STYK1: variants seen among roughly 807,000 people sequenced by gnomAD.
The protein encoded by STYK1 is tyrosine-protein kinase STYK1.
STYK1 carries 46 observed loss-of-function variants against 48.1 expected under a neutral mutation model. The observed-to-expected ratio is 0.96, with a 90% confidence interval of 0.75 to 1.22. The LOEUF is 1.22. Among genes scored for constraint, STYK1 ranks in the 50% most tolerant of loss-of-function variants. The pLI is 0.00. For missense variants in STYK1, 527 were observed against 521.1 expected (o/e 1.01, Z -0.11); for synonymous variants, 188 against 189.0 (o/e 0.99, Z 0.04).
chr12:10,622,069 G>T (rs1591672569), intron 9 of STYK1, 97 bp from the exon 10 acceptor site: 4 of 1,018,622 alleles, frequency 3.9e-6, no homozygotes, highest in Non-Finnish European at 6.0e-6. Context: ...GCTTGCAAAA[G>T]ATATAGCCAT....
At chr12:10,660,544 C>T (rs538933809) in intron 1 of STYK1, among the ~76,000 whole-genome samples, 3 of 60,934 alleles carry the variant, frequency 4.9e-5, no homozygotes, top group East Asian at 1.1e-3. Context: ...CTGAGACCTA[C>T]TGGGCTGCAT....
chr12:10,622,553 C>T, intron 9 of STYK1, 85 bp downstream of exon 9: 4 of 1,518,892 alleles, frequency 2.6e-6, no homozygotes, highest in Non-Finnish European at 3.6e-6. Context: ...GAAACCCTTT[C>T]AGAAAGCATA....
chr12:10,630,309 C>A (rs1947410837), intron 5 of STYK1, among the ~76,000 whole-genome samples: 1 of 140,048 alleles, frequency 7.1e-6, no homozygotes, highest in Admixed American at 8.2e-5. Context: ...TCACTTAAAC[C>A]TGGGAGGCGG....
chr12:10,656,095 G>C (rs1274322317), intron 1 of STYK1, among the ~76,000 whole-genome samples: 1 of 152,092 alleles, frequency 6.6e-6, no homozygotes, highest in Non-Finnish European at 1.5e-5. Flanking sequence ...TCACCATGCT[G>C]TTCTTGTGAT....
chr12:10,627,518 TTCTA>T lies in STYK1; in HGVS notation c.717+119_717+122del, dbSNP rs551220894. 3.4e-3 allele frequency: 2,874 copies of T among 833,312 alleles called. 46 individuals carry two copies. The highest frequency in any genetic ancestry group is 1.6e-3 in the Non-Finnish European group (879 of 549,574). The allele number at this position is 833,312 out of a possible 1,614,324, so 51.6% of individuals were successfully genotyped here. On this transcript the variant is annotated intron_variant, in intron 7 of 10. Transcript: ENST00000075503. ...CATGCTTGAGTTTCTGCCCCCTAAC[TTCTA>T]TCTAATTTTCTTTAAAACATACACA... is the stretch of plus-strand genomic sequence containing the variant.
intron 5 of STYK1, 82 bp from the exon 6 acceptor site, chr12:10,629,756 G>T: frequency 6.5e-7 from 1 of 1,531,758 alleles, no homozygotes; most frequent in Non-Finnish European, 9.0e-7. Context: ...GGCAACTTAA[G>T]ATGTTAATTC....
chr12:10,669,360 T>A (rs567758382), intron 1 of STYK1, among the ~76,000 whole-genome samples: 1 of 152,154 alleles, frequency 6.6e-6, no homozygotes, highest in Non-Finnish European at 1.5e-5. Context: ...AAGCAGGTTG[T>A]TTTTCTTCAG....
intron 1 of STYK1, among the ~76,000 whole-genome samples, chr12:10,649,410 G>A (rs1050980545): frequency 9.2e-5 from 14 of 152,032 alleles, no homozygotes; most frequent in Admixed American, 2.6e-4. Context: ...TTAAATTTAC[G>A]TTCACAAAAA....
chr12:10,623,423 C>T (rs1947321616), intron 8 of STYK1, among the ~76,000 whole-genome samples: 1 of 152,150 alleles, frequency 6.6e-6, no homozygotes, highest in Non-Finnish European at 1.5e-5. Context: ...CATCAATGCA[C>T]TTCTCCAAGC....
chr12:10,621,959 A>T lies in STYK1; in HGVS notation c.981T>A (p.Tyr327Ter). Reference protein sequence around the residue: ...YEMVTLGAPPYPEVPPTSILE... With the variant: ...YEMVTLGAPP ...GGATGCTGGTAGGAGGGACTTCAGG[A>T]TACGGTGGTGCTCCTGTCATTACGA... The change falls in exon 10 of 11, where the codon TAT becomes TAA. Residue 327 changes from tyrosine (Y) to a stop codon, truncating the protein, a stop_gained. Transcript: ENST00000075503. LOFTEE classifies it high-confidence loss of function. 4 of 1,613,816 alleles carry T rather than the reference A, an allele frequency of 2.5e-6. No homozygotes were observed. The highest frequency in any genetic ancestry group is 3.4e-6 in the Non-Finnish European group (4 of 1,179,760).
Position 10,620,323 on chromosome 12 carries a change from G to A in STYK1, c.1090C>T (p.Arg364Cys), listed in dbSNP as rs750905388. ...TMYSIMKSCW[R>C]WREADRPSPR... is the part of the protein sequence containing the mutation. ...GAGGGGCGGTCAGCCTCACGCCAGCGCCAGCAGGACTTCATGATACTGTAC... is the reference window on the plus strand; with the variant it reads ...GAGGGGCGGTCAGCCTCACGCCAGCACCAGCAGGACTTCATGATACTGTAC... Residue 364 changes from arginine (R) to cysteine (C), a missense_variant, in exon 11 of 11, where the codon CGC becomes TGC. Coordinates refer to ENST00000075503, the MANE Select transcript of STYK1 (RefSeq NM_018423.3). 3.7e-6 allele frequency: 6 copies of A among 1,613,214 alleles called. No individual in the cohort carries two copies. Among genetic ancestry groups the A allele is most frequent in the Admixed American group, 1.7e-5 (1 of 59,992 alleles).
chr12:10,652,518 C>T lies in STYK1; in HGVS notation c.-194-15322G>A, dbSNP rs184162944. Among the ~76,000 whole-genome samples, 75 of 152,358 alleles carry T rather than the reference C, an allele frequency of 4.9e-4. 1 individual carries two copies. In the South Asian group the frequency reaches 0.012, roughly 25 times the overall value. On this transcript the variant is annotated intron_variant, in intron 1 of 10. Transcript: ENST00000075503. ...TCATATTCCCCACATCCTTCCCTCTCCTGTCATGTAGACAGGCGCAAGGCC... is the reference window on the plus strand; with the variant it reads ...TCATATTCCCCACATCCTTCCCTCTTCTGTCATGTAGACAGGCGCAAGGCC...
intron 1 of STYK1, among the ~76,000 whole-genome samples, chr12:10,646,175 G>A (rs1486063520): frequency 6.6e-6 from 1 of 152,236 alleles, no homozygotes; most frequent in East Asian, 1.9e-4. Context: ...CTGGGTAACA[G>A]GGAGAAGTTG....
chr12:10,666,656 G>T (rs1291819320), intron 1 of STYK1, among the ~76,000 whole-genome samples: 1 of 152,160 alleles, frequency 6.6e-6, no homozygotes, highest in Non-Finnish European at 1.5e-5. Context: ...GAGGTGATTG[G>T]ATCATGGGGG....
At chr12:10,647,843 C>G (rs1190492703) in intron 1 of STYK1, among the ~76,000 whole-genome samples, 1 of 152,148 alleles carries the variant, frequency 6.6e-6, no homozygotes, top group Admixed American at 6.5e-5. Flanking sequence ...CTGCACAAGA[C>G]AGTTCTCTCT....
At chr12:10,666,502 C>A (rs920013290) in intron 1 of STYK1, among the ~76,000 whole-genome samples, 11 of 152,218 alleles carry the variant, frequency 7.2e-5, no homozygotes, top group Non-Finnish European at 1.5e-4. Context: ...TAAAACCAAT[C>A]ATTTCAAGGC....
chr12:10,634,266 A>G, intron 3 of STYK1, 142 bp from the exon 4 acceptor site: 1 of 1,025,782 alleles, frequency 9.7e-7, no homozygotes, highest in Non-Finnish European at 1.4e-6. Context: ...TCCATTCAAC[A>G]GAAACACTGC....
intron 1 of STYK1, among the ~76,000 whole-genome samples, chr12:10,648,165 G>A (rs539272113): frequency 6.6e-6 from 1 of 152,034 alleles, no homozygotes; most frequent in East Asian, 1.9e-4. Flanking sequence ...TTCATCAAAT[G>A]GAATTTAGGC....
chr12:10,622,261 C>A (rs1292271533), intron 9 of STYK1, among the ~76,000 whole-genome samples: 1 of 152,190 alleles, frequency 6.6e-6, no homozygotes, highest in Non-Finnish European at 1.5e-5. Flanking sequence ...ACTCTCCATA[C>A]ATGGGAAAGT....
Sources: allele counts gnomAD v4.1 joint callset (sites outside exome capture counted in the v4.1 genomes callset), GRCh38; gene constraint gnomAD v4.1.1; transcripts MANE v1.5; gene names NCBI Gene and HGNC (gene_info 2026-07-23, HGNC 2026-07-21).